CD226: variants seen among roughly 807,000 people sequenced by gnomAD.
The protein encoded by CD226 is CD226 antigen.
In CD226, 24 loss-of-function variants were observed where a neutral mutation model predicts 34.9. The observed-to-expected ratio is 0.69, with a 90% confidence interval of 0.50 to 0.97. The LOEUF (loss-of-function observed/expected upper bound fraction) is 0.97, where lower values mean the gene tolerates loss of function less well. Ranked by LOEUF, CD226 falls within the 50% of genes least tolerant of loss-of-function variation. The probability of loss-of-function intolerance (pLI) is 0.00; values close to 1 mark genes in which losing one functional copy is unlikely to be tolerated. For missense variants in CD226, 397 were observed against 412.7 expected, an observed-to-expected ratio of 0.96 and a Z score of 0.33; for synonymous variants, 148 against 147.4, an observed-to-expected ratio of 1.00 and a Z score of -0.03.
At chr18:69,931,250 G>A (rs907819684) in intron 2 of CD226, among the ~76,000 whole-genome samples, 8 of 152,010 alleles carry the variant, frequency 5.3e-5, no homozygotes, top group Non-Finnish European at 8.8e-5. Flanking sequence ...GGAGAGGGGG[G>A]AGGGATAGCA....
intron 2 of CD226, among the ~76,000 whole-genome samples, chr18:69,937,900 C>A (rs571532191): frequency 3.3e-5 from 5 of 152,308 alleles, no homozygotes; most frequent in African/African-American, 1.2e-4. Flanking sequence ...TTAAAGGAAT[C>A]TCTTTAGTGC....
chr18:69,950,396 C>G (rs115243650), upstream of CD226, among the ~76,000 whole-genome samples: 1,881 of 152,290 alleles, frequency 0.012, 38 homozygotes, highest in African/African-American at 0.043. Context: ...AGACAGACAT[C>G]AGACGAACAT....
chr18:69,901,477 G>A (rs1382314917), intron 2 of CD226, among the ~76,000 whole-genome samples: 2 of 152,148 alleles, frequency 1.3e-5, no homozygotes, highest in East Asian at 3.8e-4. Flanking sequence ...CAATAACACT[G>A]ACCCAAACTT....
chr18:69,873,568 A>G (rs566664588), intron 3 of CD226, among the ~76,000 whole-genome samples: 3 of 146,044 alleles, frequency 2.1e-5, no homozygotes, highest in East Asian at 2.0e-4. Context: ...CCTTTTGTAG[A>G]AAAAAAAAAA....
intron 4 of CD226, among the ~76,000 whole-genome samples, chr18:69,871,075 C>T (rs1418236146): frequency 6.6e-6 from 1 of 152,288 alleles, no homozygotes; most frequent in East Asian, 1.9e-4. Context: ...ATGCATAATG[C>T]ATTTTCATGA....
chr18:69,870,039 T>C (rs1983412698), intron 4 of CD226, among the ~76,000 whole-genome samples: 1 of 151,280 alleles, frequency 6.6e-6, no homozygotes, highest in Admixed American at 6.6e-5. Context: ...CCTGACCTCA[T>C]GATCTGCCCA....
intron 2 of CD226, among the ~76,000 whole-genome samples, chr18:69,936,962 TCTC>T (rs1160622176): frequency 6.6e-6 from 1 of 152,150 alleles, no homozygotes; most frequent in Non-Finnish European, 1.5e-5. Flanking sequence ...TCAGACCAAA[TCTC>T]CTCCTCCATC....
At chr18:69,909,479 C>T (rs1237864045) in intron 2 of CD226, among the ~76,000 whole-genome samples, 1 of 152,138 alleles carries the variant, frequency 6.6e-6, no homozygotes, top group East Asian at 1.9e-4. Flanking sequence ...ACAGAAAGAT[C>T]AACAGTATTT....
chr18:69,909,546 G>A (rs1456845709), intron 2 of CD226, among the ~76,000 whole-genome samples: 1 of 152,154 alleles, frequency 6.6e-6, no homozygotes, highest in Non-Finnish European at 1.5e-5. Flanking sequence ...CCATAATGAA[G>A]TTAAAATGAA....
At chr18:69,953,811 C>G (rs1475764489) in intron 1 of CD226, among the ~76,000 whole-genome samples, 1 of 151,986 alleles carries the variant, frequency 6.6e-6, no homozygotes, top group African/African-American at 2.4e-5. Context: ...ACCAGCCTGG[C>G]CAACATGGTG....
At chr18:69,908,240 A>C (rs999754503) in intron 2 of CD226, among the ~76,000 whole-genome samples, 2 of 152,186 alleles carry the variant, frequency 1.3e-5, no homozygotes, top group Admixed American at 1.3e-4. Flanking sequence ...TGCTTTTCTC[A>C]GTTATGCCAA....
At chr18:69,937,550 T>A (rs542958577) in intron 2 of CD226, among the ~76,000 whole-genome samples, 1 of 152,326 alleles carries the variant, frequency 6.6e-6, no homozygotes, top group East Asian at 1.9e-4. Context: ...TCTCTCCCAA[T>A]ATTCTACATC....
intron 2 of CD226, among the ~76,000 whole-genome samples, chr18:69,901,975 C>A (rs2055192467): frequency 6.6e-6 from 1 of 152,022 alleles, no homozygotes; most frequent in Non-Finnish European, 1.5e-5. Context: ...CTTCACACAC[C>A]CAATCTCTAA....
intron 2 of CD226, chr18:69,896,282 C>T (rs971347302): frequency 2.7e-5 from 10 of 376,832 alleles, no homozygotes; most frequent in Admixed American, 1.3e-4. Context: ...CCCAGGTTCA[C>T]GCCATTCTCC....
At chr18:69,934,135 T>C (rs2055621810) in intron 2 of CD226, among the ~76,000 whole-genome samples, 1 of 152,156 alleles carries the variant, frequency 6.6e-6, no homozygotes, top group South Asian at 2.1e-4. Context: ...ATGAAAAAGG[T>C]ATACATTCAA....
chr18:69,960,148 G>A (rs1347477606), upstream of CD226, among the ~76,000 whole-genome samples: 1 of 151,672 alleles, frequency 6.6e-6, no homozygotes, highest in East Asian at 1.9e-4. Context: ...GCTGAGGCAC[G>A]AGAACCACTT....
rs144713418 is a variant in CD226 at position 69,876,938 on chromosome 18, G to A, written c.728-3692C>T. Among the ~76,000 whole-genome samples, 116 of 139,808 alleles carry A rather than the reference G, an allele frequency of 8.3e-4. 2 individuals carry two copies. In the East Asian group the frequency reaches 0.017, roughly 20 times the overall value. 91.7% of individuals were successfully genotyped at this position (139,808 alleles called of 152,430 possible). A position where few individuals can be genotyped will look rare whatever the true frequency, so the allele number is the denominator to read the frequency against. Reference sequence around the variant, plus strand: ...GAGTACAATGGCAGGATCTCGGCTCGCTGCAATCTCCGCCTCCCAGGTTCA... The same window carrying A: ...GAGTACAATGGCAGGATCTCGGCTCACTGCAATCTCCGCCTCCCAGGTTCA... On this transcript the variant is annotated intron_variant, in intron 3 of 5. Transcript: ENST00000582621.
intron 2 of CD226, among the ~76,000 whole-genome samples, chr18:69,911,465 A>C (rs1427543171): frequency 6.6e-6 from 1 of 152,170 alleles, no homozygotes; most frequent in African/African-American, 2.4e-5. Context: ...ATAAACCCTA[A>C]ACAGATATTG....
At chr18:69,914,494 T>C (rs1422815519) in intron 2 of CD226, among the ~76,000 whole-genome samples, 3 of 152,248 alleles carry the variant, frequency 2.0e-5, no homozygotes, top group Non-Finnish European at 4.4e-5. Context: ...ACTGAAGGGC[T>C]ACAGAGTTCC....
Sources: gnomAD v4.1 joint callset for allele counts (sites outside exome capture counted in the v4.1 genomes callset) on GRCh38, gnomAD v4.1.1 for gene constraint, MANE v1.5 for transcripts, NCBI Gene and HGNC (gene_info 2026-07-23, HGNC 2026-07-21) for gene names.